CCDC171: variants seen among roughly 807,000 people sequenced by gnomAD.
CCDC171 encodes the protein coiled-coil domain-containing protein 171.
A neutral mutation model predicts 168.2 loss-of-function variants in CCDC171; 177 were observed. The ratio of observed to expected loss-of-function variants is 1.05; its 90% CI spans 0.93 to 1.19. The LOEUF is 1.19. Ranked by LOEUF, CCDC171 falls within the 50% of genes most tolerant of loss-of-function variation. The pLI, the probability that CCDC171 is intolerant of heterozygous loss-of-function variation, is 0.00. For synonymous variants in CCDC171, 687 were observed against 540.8 expected, an observed-to-expected ratio of 1.27 and a Z score of -3.75; for missense variants, 1,991 against 1,539.0, an observed-to-expected ratio of 1.29 and a Z score of -4.91.
At chr9:15,694,095 TC>T (rs1358284161) in intron 10 of CCDC171, among the ~76,000 whole-genome samples, 1 of 152,234 alleles carries the variant, frequency 6.6e-6, no homozygotes, top group East Asian at 1.9e-4. Context: ...TTACTGAACT[TC>T]TTGAAATGTT....
the CCDC171 span, among the ~76,000 whole-genome samples, chr9:16,107,172 C>T: frequency 1.3e-5 from 2 of 152,038 alleles, no homozygotes; most frequent in Non-Finnish European, 1.5e-5. Flanking sequence ...CTTTTAGAGA[C>T]AAGGCCTCGC....
At chr9:15,736,941 A>G (rs1331659707) in intron 16 of CCDC171, among the ~76,000 whole-genome samples, 1 of 152,140 alleles carries the variant, frequency 6.6e-6, no homozygotes, top group African/African-American at 2.4e-5. Context: ...GGTGTGAACT[A>G]CTGTGCCTGG....
chr9:15,621,620 C>CA (rs1204323855), intron 6 of CCDC171, among the ~76,000 whole-genome samples: 1 of 152,020 alleles, frequency 6.6e-6, no homozygotes, highest in Non-Finnish European at 1.5e-5. Flanking sequence ...ATTAAAAAGT[C>CA]AAAAAATAAC....
At chr9:16,039,590 TA>T (rs1833538854), upstream of CCDC171, among the ~76,000 whole-genome samples, 1 of 152,202 alleles carries the variant, frequency 6.6e-6, no homozygotes, top group African/African-American at 2.4e-5. Context: ...CGCTGTTCCA[TA>T]AACTCGTCTA....
rs545869999 is a variant in CCDC171, at chr9:16,054,601, T to G, written n.90-6045T>G. Among the ~76,000 whole-genome samples, 6 of 152,324 alleles carry G rather than the reference T, an allele frequency of 3.9e-5. No individual in the cohort carries two copies. In the East Asian group the frequency reaches 1.2e-3, roughly 29 times the overall value. ...TGACAGGCCTCCTACCTGTCTGGAA[T>G]AGAGCCAGGGGGAGGACTTAACATG... is the stretch of plus-strand genomic sequence containing the variant. On this transcript the variant is annotated intron_variant and non_coding_transcript_variant, in intron 1 of 1. Coordinates refer to the CCDC171 transcript ENST00000478913.
At chr9:15,595,734 C>A (rs986963853) in intron 6 of CCDC171, among the ~76,000 whole-genome samples, 7 of 151,904 alleles carry the variant, frequency 4.6e-5, no homozygotes, top group African/African-American at 1.5e-4. Flanking sequence ...CTGACTTCCA[C>A]AATGATTGAG....
intron 21 of CCDC171, among the ~76,000 whole-genome samples, chr9:15,791,085 T>G (rs998079987): frequency 1.3e-5 from 2 of 152,192 alleles, no homozygotes; most frequent in Non-Finnish European, 2.9e-5. Context: ...TGCGGGCTCT[T>G]TTTTGGTTCC....
At chr9:16,026,502 A>G (rs989356020) in intron 6 of CCDC171, among the ~76,000 whole-genome samples, 3 of 151,744 alleles carry the variant, frequency 2.0e-5, no homozygotes, top group African/African-American at 7.3e-5. Context: ...CACCCCTTTG[A>G]CCCCTTTATC....
intron 7 of CCDC171, among the ~76,000 whole-genome samples, chr9:15,636,694 G>T (rs1380729118): frequency 1.4e-5 from 2 of 145,696 alleles, no homozygotes; most frequent in Non-Finnish European, 3.0e-5. Context: ...GGCCTGCAGT[G>T]AGCTGTGATC....
intron 5 of CCDC171, among the ~76,000 whole-genome samples, chr9:15,592,808 T>G (rs927167651): frequency 2.6e-5 from 4 of 152,176 alleles, no homozygotes; most frequent in African/African-American, 7.2e-5. Flanking sequence ...TGATCTGATC[T>G]CAATTAGCTA....
chr9:16,106,440 T>A, the CCDC171 span, among the ~76,000 whole-genome samples: 1 of 152,034 alleles, frequency 6.6e-6, no homozygotes, highest in African/African-American at 2.4e-5. Context: ...ACCTTCTGCC[T>A]CTCCCGGGCC....
chr9:15,707,062 A>G (rs570740033), intron 11 of CCDC171, among the ~76,000 whole-genome samples: 1 of 152,290 alleles, frequency 6.6e-6, no homozygotes, highest in East Asian at 1.9e-4. Context: ...TGTAGCTGGT[A>G]TCTTTTTAAC....
intron 3 of CCDC171, among the ~76,000 whole-genome samples, chr9:16,014,507 A>G (rs1415819853): frequency 2.0e-5 from 3 of 152,186 alleles, no homozygotes; most frequent in African/African-American, 7.2e-5. Context: ...ACAATGGTGA[A>G]TCCTTTCCAG....
intron 25 of CCDC171, among the ~76,000 whole-genome samples, chr9:15,937,182 G>A (rs988457016): frequency 3.2e-4 from 48 of 152,046 alleles, no homozygotes; most frequent in African/African-American, 1.1e-3. Flanking sequence ...TTTCCTGACA[G>A]TTTCATTTGC....
chr9:15,911,213 T>TA (rs1823582931), intron 24 of CCDC171, among the ~76,000 whole-genome samples: 1 of 152,234 alleles, frequency 6.6e-6, no homozygotes, highest in African/African-American at 2.4e-5. Flanking sequence ...ATGTGTTGTT[T>TA]CCTGACTTTT....
chr9:16,081,463 G>A, the CCDC171 span, among the ~76,000 whole-genome samples: 1 of 152,118 alleles, frequency 6.6e-6, no homozygotes, highest in African/African-American at 2.4e-5. Context: ...GGTTGGGAGA[G>A]TTTTTGTCCC....
At chr9:15,799,352 G>A (rs1182159861) in intron 21 of CCDC171, among the ~76,000 whole-genome samples, 1 of 150,686 alleles carries the variant, frequency 6.6e-6, no homozygotes, top group Non-Finnish European at 1.5e-5. Flanking sequence ...CTTCTCTTCT[G>A]GTTTGCATTA....
intron 10 of CCDC171, among the ~76,000 whole-genome samples, chr9:15,680,993 A>C (rs1481885349): frequency 6.6e-6 from 1 of 152,142 alleles, no homozygotes; most frequent in Non-Finnish European, 1.5e-5. Flanking sequence ...GACTGGTTTA[A>C]CTCACCACAG....
At position 15,766,266 on chromosome 9, in the gene CCDC171, C is replaced by T. The variant is rs920797394; in HGVS notation, c.2672-11334C>T. On this transcript the variant is annotated intron_variant, in intron 18 of 25. Transcript: ENST00000380701. ...GTGTTAAAGTCCCTTGTCTCTCACC[C>T]AGGAGTCTTGTGTTTTTTGCCAACA... Among the ~76,000 whole-genome samples, 3 of 152,124 alleles carry T rather than the reference C, an allele frequency of 2.0e-5. No homozygotes were observed. In the East Asian group the frequency reaches 5.8e-4, roughly 29 times the overall value.
Sources: gnomAD v4.1 joint callset for allele counts (sites outside exome capture counted in the v4.1 genomes callset) on GRCh38, gnomAD v4.1.1 for gene constraint, MANE v1.5 for transcripts, NCBI Gene and HGNC (gene_info 2026-07-23, HGNC 2026-07-21) for gene names.